PPIE: variants seen among roughly 807,000 people sequenced by gnomAD.
PPIE encodes the protein peptidylprolyl isomerase E.
In PPIE, 20 loss-of-function variants were observed where a neutral mutation model predicts 38.4. The ratio of observed to expected loss-of-function variants is 0.52; its 90% CI spans 0.37 to 0.76. The LOEUF is 0.76. Among genes scored for constraint, PPIE ranks in the 30% least tolerant of loss-of-function variants. PPIE has a pLI of 0.00. For synonymous variants in PPIE, 142 were observed against 135.7 expected (o/e 1.05, Z -0.32); for missense variants, 322 against 385.8 (o/e 0.83, Z 1.39).
downstream of PPIE, chr1:39,760,485 G>T: frequency 6.2e-7 from 1 of 1,614,200 alleles, no homozygotes; most frequent in Non-Finnish European, 8.5e-7. Flanking sequence ...TGTTGCTGCT[G>T]TCATAGTAGA....
intron 9 of PPIE, chr1:39,762,663 C>T: frequency 6.5e-7 from 1 of 1,530,982 alleles, no homozygotes; most frequent in Non-Finnish European, 8.8e-7. Context: ...TGGGTGAGTG[C>T]ACACGCACAC....
At position 39,741,509 on chromosome 1, in the gene PPIE, G is replaced by A. The variant is rs1204215251; in HGVS notation, c.174+100G>A. 11 of 1,228,798 alleles carry A rather than the reference G, an allele frequency of 9.0e-6. No homozygotes were observed. In the East Asian group the frequency reaches 2.1e-4, roughly 23 times the overall value. The allele number at this position is 1,228,798 out of a possible 1,614,324, so 76.1% of individuals were successfully genotyped here. On this transcript the variant is annotated intron_variant, in intron 3 of 9. Coordinates refer to ENST00000324379, the MANE Select transcript of PPIE (RefSeq NM_006112.4). ...ATTTGGTTAGGTTTTTGGGCCTTAG[G>A]CTGATGCTTCCAGAGAGATCAGAAG...
In PPIE at chr1:39,755,451, C is replaced by A. The variant is rs1202119381; in HGVS notation, c.*2096C>A. On this transcript the variant is annotated 3_prime_UTR_variant, in exon 10 of 10. Transcript: ENST00000324379. ...GTAGCTGGGATATACTACATGGTTA[C>A]CCCTCACCCCTATGGAGCTTCCAAA... is the stretch of plus-strand genomic sequence containing the variant. 2.0e-6 allele frequency: 2 copies of A among 985,312 alleles called. No homozygotes were observed. The highest frequency in any genetic ancestry group is 3.5e-5 in the African/African-American group (2 of 57,240). The allele number at this position is 985,312 out of a possible 1,614,324, so 61.0% of individuals were successfully genotyped here. A position where few individuals can be genotyped will look rare whatever the true frequency, so the allele number is the denominator to read the frequency against.
At chr1:39,762,299 T>C (rs577933437) in intron 9 of PPIE, 1 of 502,458 alleles carries the variant, frequency 2.0e-6, no homozygotes, top group Non-Finnish European at 3.5e-6. Context: ...ACTTCTGGGC[T>C]CGTGTGCTGC....
intron 5 of PPIE, 25 bp downstream of exon 5, chr1:39,743,322 C>T (rs777644409): frequency 1.2e-6 from 2 of 1,604,586 alleles, no homozygotes; most frequent in East Asian, 2.2e-5. Context: ...CTTCCAGATT[C>T]CCTGTGATGT....
chr1:39,740,283 G>A lies in PPIE; in HGVS notation c.130+20G>A, dbSNP rs373616634. Reference sequence around the variant, plus strand: ...AAACAGGTGAGTTAGTGTCTCTCACGTTCAGAATCCTCTTACTAGGAAAAT... The same window carrying A: ...AAACAGGTGAGTTAGTGTCTCTCACATTCAGAATCCTCTTACTAGGAAAAT... On this transcript the variant is annotated intron_variant, in intron 2 of 9. Transcript: ENST00000324379. The A allele has an allele frequency of 8.2e-6, 13 of 1,576,434 alleles. No individual in the cohort carries two copies. Among genetic ancestry groups the A allele is most frequent in the African/African-American group, 6.8e-5 (5 of 73,892 alleles).
Position 39,752,935 on chromosome 1 carries a change from C to T in PPIE, c.720C>T (p.Gly240=). 6.2e-7 allele frequency: 1 copy of T among 1,614,076 alleles called. No individual in the cohort carries two copies. Among genetic ancestry groups the T allele is most frequent in the Non-Finnish European group, 8.5e-7 (1 of 1,179,974 alleles). The change falls in exon 9 of 10, where the codon GGC becomes GGT. Residue 240 remains glycine, a synonymous_variant. Coordinates refer to ENST00000324379, the MANE Select transcript of PPIE (RefSeq NM_006112.4). ...GPGLLSMANS[G]PNTNGSQFFL... ...GTCTACTATCCATGGCCAACTCTGGCCCAAACACCAATGGCTCTCAGTTCT... is the reference window on the plus strand; with the variant it reads ...GTCTACTATCCATGGCCAACTCTGGTCCAAACACCAATGGCTCTCAGTTCT...
At chr1:39,744,292 T>G (rs1054252848) in intron 6 of PPIE, among the ~76,000 whole-genome samples, 2 of 152,210 alleles carry the variant, frequency 1.3e-5, no homozygotes, top group African/African-American at 2.4e-5. Context: ...GGTCGTGGTC[T>G]TCCTATTCCT....
chr1:39,753,606 A>G lies in PPIE; in HGVS notation c.*251A>G. 1.5e-6 allele frequency: 2 copies of G among 1,341,908 alleles called. No individual in the cohort carries two copies. Among genetic ancestry groups the G allele is most frequent in the Non-Finnish European group, 9.5e-7 (1 of 1,051,110 alleles). The allele number at this position is 1,341,908 out of a possible 1,614,324, so 83.1% of individuals were successfully genotyped here. On this transcript the variant is annotated 3_prime_UTR_variant, in exon 10 of 10. Coordinates refer to ENST00000324379, the MANE Select transcript of PPIE (RefSeq NM_006112.4). ...CCATGGGCAGGCTGTGCAAAAAGCC[A>G]CTGGCTTTTCTCAGCATTTGCTGCT...
At chr1:39,743,393 G>A in intron 5 of PPIE, 96 bp downstream of exon 5, 3 of 1,053,344 alleles carry the variant, frequency 2.8e-6, no homozygotes, top group Non-Finnish European at 2.9e-6. Context: ...GATGCTAAAT[G>A]CTGCTTCCTG....
rs182467005 is a variant in PPIE, at chr1:39,754,848, G to A, written c.*1493G>A. On this transcript the variant is annotated 3_prime_UTR_variant, in exon 10 of 10. Coordinates refer to ENST00000324379, the MANE Select transcript of PPIE (RefSeq NM_006112.4). ...ACTCCAGCCTGGGTGACAAGAGGGAGACCCTGTCTTGAAAAAAAGAAACCA... is the reference window on the plus strand; with the variant it reads ...ACTCCAGCCTGGGTGACAAGAGGGAAACCCTGTCTTGAAAAAAAGAAACCA... Among the ~76,000 whole-genome samples, 37 of 152,274 alleles carry A rather than the reference G, an allele frequency of 2.4e-4. 1 individual carries two copies. Among genetic ancestry groups the A allele is most frequent in the Admixed American group, 7.2e-4 (11 of 15,290 alleles).
At chr1:39,749,676 G>A (rs1647506555) in intron 8 of PPIE, among the ~76,000 whole-genome samples, 1 of 152,104 alleles carries the variant, frequency 6.6e-6, no homozygotes, top group South Asian at 2.1e-4. Context: ...GGGATGAGCT[G>A]TCTCTCCTAG....
chr1:39,741,581 T>C (rs1226131702), intron 3 of PPIE, 172 bp downstream of exon 3: 6 of 711,568 alleles, frequency 8.4e-6, no homozygotes, highest in Non-Finnish European at 1.4e-5. Context: ...CAGACTGGAC[T>C]GTGAATAACA....
At chr1:39,740,087 A>C in intron 1 of PPIE, 78 bp from the exon 2 acceptor site, 89 of 1,025,822 alleles carry the variant, frequency 8.7e-5, no homozygotes, top group Non-Finnish European at 1.3e-4. Flanking sequence ...TCCCCTGGCT[A>C]GCATGCTAAC....
downstream of PPIE, chr1:39,760,693 CAATAAT>C (rs1275991575): frequency 7.9e-7 from 1 of 1,260,218 alleles, no homozygotes; most frequent in African/African-American, 1.5e-5. Flanking sequence ...GGGAGCAGCA[CAATAAT>C]AATAACTATT....
downstream of PPIE, chr1:39,759,888 G>A (rs760781998): frequency 6.4e-6 from 1 of 155,102 alleles, no homozygotes; most frequent in African/African-American, 2.4e-5. Context: ...CAGTGCTTCA[G>A]ATCCATGAAT....
downstream of PPIE, chr1:39,760,712 C>T: frequency 8.5e-7 from 1 of 1,180,134 alleles, no homozygotes; most frequent in Non-Finnish European, 1.2e-6. Flanking sequence ...TAACTATTAA[C>T]AGGAATAAGA....
In PPIE at chr1:39,744,197, T is replaced by G. The variant is rs563982712; in HGVS notation, c.384+273T>G. Among the ~76,000 whole-genome samples the G allele has an allele frequency of 3.9e-5, 6 of 152,332 alleles. No homozygotes were observed. In the South Asian group the frequency reaches 1.2e-3, roughly 32 times the overall value. On this transcript the variant is annotated intron_variant, in intron 6 of 9. Transcript: ENST00000324379. ...CTCTGCTCAGGTATGGATTTGTGAT[T>G]ATCAACTGACAGGGAGGAAGCTGAG...
rs1410742739 is a variant in PPIE, at chr1:39,753,365, C to G, written c.*10C>G. ...TGGGGAGTACGTGTGAGGCGGCACT[C>G]TCTCTGCTTCCCCCTCCGCTCTTGA... is the stretch of plus-strand genomic sequence containing the variant. On this transcript the variant is annotated 3_prime_UTR_variant, in exon 10 of 10. Transcript: ENST00000324379. The G allele has an allele frequency of 1.2e-6, 2 of 1,613,262 alleles. No individual in the cohort carries two copies. Among genetic ancestry groups the G allele is most frequent in the Admixed American group, 1.7e-5 (1 of 59,952 alleles).
Sources: gnomAD v4.1 joint callset for allele counts (sites outside exome capture counted in the v4.1 genomes callset) on GRCh38, gnomAD v4.1.1 for gene constraint, MANE v1.5 for transcripts, NCBI Gene and HGNC (gene_info 2026-07-23, HGNC 2026-07-21) for gene names.